STAT1: variants seen among roughly 807,000 people sequenced by gnomAD.
The protein encoded by STAT1 is signal transducer and activator of transcription 1-alpha/beta.
In STAT1, 24 loss-of-function variants were observed where a neutral mutation model predicts 111.7. That is an observed-to-expected ratio of 0.21 (90% confidence interval 0.16 to 0.30). The LOEUF (loss-of-function observed/expected upper bound fraction) is 0.30, where lower values mean the gene tolerates loss of function less well. Among genes scored for constraint, STAT1 ranks in the 10% least tolerant of loss-of-function variants. STAT1 has a pLI of 1.00. For missense variants in STAT1, 351 were observed against 911.9 expected (o/e 0.38, Z 7.92); for synonymous variants, 332 against 326.5 (o/e 1.02, Z -0.18).
rs1187227089 is a variant in STAT1 at position 191,004,059 on chromosome 2, C to T, written c.373-2896G>A. Among the ~76,000 whole-genome samples the T allele has an allele frequency of 6.6e-6, 1 of 152,162 alleles. No individual in the cohort carries two copies. The highest frequency in any genetic ancestry group is 6.5e-5 in the Admixed American group (1 of 15,276). On this transcript the variant is annotated intron_variant, in intron 5 of 24. Transcript: ENST00000361099. This position sits in a 1 kb window ranked among gnomAD's most constrained non-coding sequence, Gnocchi z 5.0. ...GTGACTGTGGCAGGGCCTAAGAAAT[C>T]TCCTGCTTCCAACTTGGGCAGTAGT...
In STAT1 at chr2:190,993,668, C is replaced by T. The variant is rs1435906909; in HGVS notation, c.944+1393G>A. On this transcript the variant is annotated intron_variant, in intron 10 of 24. Transcript: ENST00000361099. This position sits in a 1 kb window ranked among gnomAD's most constrained non-coding sequence, Gnocchi z 4.1. ...AACTGAAGGAAAGGAATGAGATAGG[C>T]TGTTCTGGGAGAGTAAATGTCTTCC... is the stretch of plus-strand genomic sequence containing the variant. 2 of 495,350 alleles carry T rather than the reference C, an allele frequency of 4.0e-6. No individual in the cohort carries two copies. Among genetic ancestry groups the T allele is most frequent in the Non-Finnish European group, 7.9e-6 (2 of 254,660 alleles). The allele number at this position is 495,350 out of a possible 1,614,324, so 30.7% of individuals were successfully genotyped here.
chr2:190,989,516 G>T lies in STAT1; in HGVS notation c.1097+99C>A. 1.2e-6 allele frequency: 1 copy of T among 859,162 alleles called. No individual in the cohort carries two copies. The highest frequency in any genetic ancestry group is 1.8e-6 in the Non-Finnish European group (1 of 542,156). 53.2% of individuals were successfully genotyped at this position (859,162 alleles called of 1,614,324 possible). On this transcript the variant is annotated intron_variant, in intron 12 of 24. Coordinates refer to ENST00000361099, the MANE Select transcript of STAT1 (RefSeq NM_007315.4). The surrounding 1 kb of genome is among the most constrained non-coding windows in gnomAD (Gnocchi z 5.0). Reference sequence around the variant, plus strand: ...TCCACCCAGTATAGACCCTTCCACAGCTAGAAATCTGCTTATTTAGTGGAG... The same window carrying T: ...TCCACCCAGTATAGACCCTTCCACATCTAGAAATCTGCTTATTTAGTGGAG...
In STAT1 at chr2:190,991,320, G is replaced by A; in HGVS notation, c.945C>T (p.Ser315=). 6.2e-7 allele frequency: 1 copy of A among 1,613,982 alleles called. No homozygotes were observed. Residue 315 remains serine (S), a splice_region_variant and synonymous_variant, in exon 11 of 25, where the codon AGC becomes AGT. Coordinates refer to ENST00000361099, the MANE Select transcript of STAT1 (RefSeq NM_007315.4). ...AGGGCTGTCTTTCCACCACAAACGA[G>A]CTGCAAATACCCAGCAAAGGATAGA... ...TFSLFQQLIQ[S]SFVVERQPCM... is the part of the protein sequence containing the mutation.
Position 190,978,804 on chromosome 2 carries a change from G to C in STAT1, c.1873+52C>G. 1.2e-6 allele frequency: 2 copies of C among 1,607,614 alleles called. No individual in the cohort carries two copies. The highest frequency in any genetic ancestry group is 1.7e-6 in the Non-Finnish European group (2 of 1,177,352). ...ATGAGCTGACTGGCGGCGATGAAGA[G>C]GGACTTCACACACATGGAATGGTGG... is the stretch of plus-strand genomic sequence containing the variant. On this transcript the variant is annotated intron_variant, in intron 21 of 24. Transcript: ENST00000361099. This position sits in a 1 kb window ranked among gnomAD's most constrained non-coding sequence, Gnocchi z 6.1.
rs527708035 is a variant in STAT1, at chr2:190,997,265, T to C, written c.785+591A>G. The stretch of plus-strand genomic sequence containing the variant: ...GCCACTTCCTCTATGAAACCTTCCC[T>C]GGAGATGCTTTCCTTTGTCCTCCAC... On this transcript the variant is annotated intron_variant, in intron 9 of 24. Transcript: ENST00000361099. This position sits in a 1 kb window ranked among gnomAD's most constrained non-coding sequence, Gnocchi z 7.3. 6.6e-6 allele frequency among the ~76,000 whole-genome samples: 1 copy of C among 152,376 alleles called. No homozygotes were observed. The highest frequency in any genetic ancestry group is 2.1e-4 in the South Asian group (1 of 4,832).
At position 190,989,358 on chromosome 2, in the gene STAT1, A is replaced by G. The variant is rs1168205505; in HGVS notation, c.1097+257T>C. Among the ~76,000 whole-genome samples, 1 of 152,212 alleles carries G rather than the reference A, an allele frequency of 6.6e-6. No individual in the cohort carries two copies. The highest frequency in any genetic ancestry group is 1.9e-4 in the East Asian group (1 of 5,186). On this transcript the variant is annotated intron_variant, in intron 12 of 24. Coordinates refer to ENST00000361099, the MANE Select transcript of STAT1 (RefSeq NM_007315.4). The surrounding 1 kb of genome is among the most constrained non-coding windows in gnomAD (Gnocchi z 5.0). ...GCTCCAGGGGAAGCTCCCAACATCC[A>G]CCAAGGGAGCTGCTGATTTAAATCT... is the stretch of plus-strand genomic sequence containing the variant.
rs376760153 is a variant in STAT1, at chr2:190,993,571, A to G, written c.944+1490T>C. 3.2e-6 allele frequency: 2 copies of G among 620,160 alleles called. No homozygotes were observed. Among genetic ancestry groups the G allele is most frequent in the Admixed American group, 2.2e-5 (1 of 46,136 alleles). 38.4% of individuals were successfully genotyped at this position (620,160 alleles called of 1,614,324 possible). On this transcript the variant is annotated intron_variant, in intron 10 of 24. Coordinates refer to ENST00000361099, the MANE Select transcript of STAT1 (RefSeq NM_007315.4). The surrounding 1 kb of genome is among the most constrained non-coding windows in gnomAD (Gnocchi z 4.1). ...ATTTGGGATTCATGCTGGACATGTC[A>G]CTGTAGCTGCCACCGCTGCCACGGC...
rs755752702 is a variant in STAT1, at chr2:190,969,230, G to A, written c.*1473C>T. 1 of 152,052 alleles carries A rather than the reference G, an allele frequency of 6.6e-6. No individual in the cohort carries two copies. Among genetic ancestry groups the A allele is most frequent in the East Asian group, 1.9e-4 (1 of 5,188 alleles). The allele number at this position is 152,052 out of a possible 1,614,324, so 9.4% of individuals were successfully genotyped here. A position where few individuals can be genotyped will look rare whatever the true frequency, so the allele number is the denominator to read the frequency against. ...AAAATCAACTGAAACTTAGGTTCTC[G>A]CCATCTATATAAAAACTGAGAGAGG... On this transcript the variant is annotated 3_prime_UTR_variant, in exon 25 of 25. Coordinates refer to ENST00000361099, the MANE Select transcript of STAT1 (RefSeq NM_007315.4).
At position 190,993,475 on chromosome 2, in the gene STAT1, C is replaced by G; in HGVS notation, c.944+1586G>C. ...AGCTTTCTGTATATGTTATCATCTGCAAACCTAAGAAGGAGGCAAGACTTT... is the reference window on the plus strand; with the variant it reads ...AGCTTTCTGTATATGTTATCATCTGGAAACCTAAGAAGGAGGCAAGACTTT... On this transcript the variant is annotated intron_variant, in intron 10 of 24. Coordinates refer to ENST00000361099, the MANE Select transcript of STAT1 (RefSeq NM_007315.4). This position sits in a 1 kb window ranked among gnomAD's most constrained non-coding sequence, Gnocchi z 4.1. 1 of 1,175,342 alleles carries G rather than the reference C, an allele frequency of 8.5e-7. No homozygotes were observed. 72.8% of individuals were successfully genotyped at this position (1,175,342 alleles called of 1,614,324 possible).
Position 190,973,655 on chromosome 2 carries a change from C to CT in STAT1, c.2238+1174dup, listed in dbSNP as rs1220310586. 1.3e-5 allele frequency among the ~76,000 whole-genome samples: 2 copies of CT among 152,182 alleles called. No individual in the cohort carries two copies. Among genetic ancestry groups the CT allele is most frequent in the African/African-American group, 4.8e-5 (2 of 41,438 alleles). On this transcript the variant is annotated intron_variant, in intron 24 of 24. Coordinates refer to ENST00000361099, the MANE Select transcript of STAT1 (RefSeq NM_007315.4). The surrounding 1 kb of genome is among the most constrained non-coding windows in gnomAD (Gnocchi z 4.4). ...CTATAGCAGTGTTGGGAGCGAAACTCTAGCAGGATCCTTCTTACATGCAGA... is the reference window on the plus strand; with the variant it reads ...CTATAGCAGTGTTGGGAGCGAAACTCTTAGCAGGATCCTTCTTACATGCAGA...
Position 190,998,007 on chromosome 2 carries a change from C to G in STAT1, c.634G>C (p.Glu212Gln), listed in dbSNP as rs1455231935. Residue 212 changes from glutamate to glutamine, a missense_variant and splice_region_variant, in exon 9 of 25, where the codon GAA becomes CAA. This residue lies in a region of STAT1 where 67 missense variants were observed against 158.9 expected (regional missense o/e 0.42). Transcript: ENST00000361099. This position sits in a 1 kb window ranked among gnomAD's most constrained non-coding sequence, Gnocchi z 4.1. ...MYLMLDNKRK[E>Q]VVHKIIELLN... ...AACTCTATTATTTTGTGAACTACTT[C>G]CTAAAGGCAATAGAAGAAACAAAGT... is the stretch of plus-strand genomic sequence containing the variant. 3 of 1,614,110 alleles carry G rather than the reference C, an allele frequency of 1.9e-6. No individual in the cohort carries two copies. The Admixed American group carries it at 5.0e-5, about 27-fold the overall frequency.
At chr2:190,985,593 C>G in intron 15 of STAT1, 26 bp downstream of exon 15, 1 of 1,614,066 alleles carries the variant, frequency 6.2e-7, no homozygotes, top group Non-Finnish European at 8.5e-7. Flanking sequence ...GATTTGGGCC[C>G]ATTCACAACA....
At chr2:191,005,999 C>T (rs1694658431) in intron 5 of STAT1, among the ~76,000 whole-genome samples, 1 of 152,202 alleles carries the variant, frequency 6.6e-6, no homozygotes, top group African/African-American at 2.4e-5. Context: ...AGATCCAAAG[C>T]CAGGGGATGA....
In STAT1 at chr2:190,999,701, T is replaced by C; in HGVS notation, c.466A>G (p.Ile156Val). The C allele has an allele frequency of 6.2e-7, 1 of 1,610,540 alleles. No individual in the cohort carries two copies. Among genetic ancestry groups the C allele is most frequent in the Non-Finnish European group, 8.5e-7 (1 of 1,176,882 alleles). Residue 156 changes from isoleucine to valine, a missense_variant, in exon 7 of 25, where the codon ATA becomes GTA. Transcript: ENST00000361099. The surrounding 1 kb of genome is among the most constrained non-coding windows in gnomAD (Gnocchi z 4.1). ...TCCAGGCTCTTGATTTCATGCTCTA[T>C]ACACTACAAACAAAGATGTAAACAT... ...VRNVKDKVMC[I>V]EHEIKSLEDL...
intron 10 of STAT1, among the ~76,000 whole-genome samples, chr2:190,992,118 G>A (rs890369143): frequency 5.9e-5 from 9 of 152,256 alleles, no homozygotes; most frequent in Admixed American, 1.3e-4. Flanking sequence ...ATATTCTGCA[G>A]CCACAAATTA....
Position 191,009,682 on chromosome 2 carries a change from T to A in STAT1, c.128+194A>T, listed in dbSNP as rs147932840. Among the ~76,000 whole-genome samples the A allele has an allele frequency of 4.0e-3, 606 of 152,348 alleles. 11 individuals are homozygous for A. The highest frequency in any genetic ancestry group is 0.014 in the African/African-American group (562 of 41,570). On this transcript the variant is annotated intron_variant, in intron 3 of 24. Transcript: ENST00000361099. The stretch of plus-strand genomic sequence containing the variant: ...GTATAAAAGTGCTTAATGACTAATA[T>A]ACTTAACTTTGTTGAGACACTTTTT...
Position 190,976,698 on chromosome 2 carries a change from C to G in STAT1, c.2059+142G>C, listed in dbSNP as rs45495592. The G allele has an allele frequency of 8.3e-6, 6 of 719,790 alleles. No individual in the cohort carries two copies. In the African/African-American group the frequency reaches 1.1e-4, roughly 13 times the overall value. 44.6% of individuals were successfully genotyped at this position (719,790 alleles called of 1,614,324 possible). A position where few individuals can be genotyped will look rare whatever the true frequency, so the allele number is the denominator to read the frequency against. Reference sequence around the variant, plus strand: ...GGCCAAATAATGCATTATGTTTCACCTGCACTGAGTTTATGCCATCTTTTG... The same window carrying G: ...GGCCAAATAATGCATTATGTTTCACGTGCACTGAGTTTATGCCATCTTTTG... On this transcript the variant is annotated intron_variant, in intron 22 of 24. Transcript: ENST00000361099. The surrounding 1 kb of genome is among the most constrained non-coding windows in gnomAD (Gnocchi z 6.0).
At chr2:190,988,748 G>A (rs1216957543) in intron 12 of STAT1, among the ~76,000 whole-genome samples, 3 of 152,110 alleles carry the variant, frequency 2.0e-5, no homozygotes, top group Non-Finnish European at 2.9e-5. Context: ...ATGATGGCAG[G>A]GAAGACAAGG....
chr2:191,001,493 C>CA (rs1694268956), intron 5 of STAT1, among the ~76,000 whole-genome samples: 1 of 152,198 alleles, frequency 6.6e-6, no homozygotes, highest in Non-Finnish European at 1.5e-5. Context: ...CTCATTAACT[C>CA]AGTCCTTATT....
Sources: gnomAD v4.1 joint callset for allele counts (sites outside exome capture counted in the v4.1 genomes callset) on GRCh38, gnomAD v4.1.1 for gene constraint, gnomAD v4.1.1 regional missense constraint, Gnocchi (gnomAD v3.1) non-coding constraint, MANE v1.5 for transcripts, NCBI Gene and HGNC (gene_info 2026-07-23, HGNC 2026-07-21) for gene names.